The following ARHGAP15 variants were observed in gnomAD, a reference collection of about 807,000 sequenced individuals.
The protein encoded by ARHGAP15 is Rho GTPase activating protein 15, also known as rho GTPase-activating protein 15.
Under a neutral mutation model 63.7 loss-of-function variants are expected in ARHGAP15, and 51 were observed. That is an observed-to-expected ratio of 0.80 (90% CI 0.64 to 1.01). The LOEUF is 1.01. Ranked by LOEUF, ARHGAP15 falls within the 50% of genes least tolerant of loss-of-function variation. The probability of loss-of-function intolerance (pLI) is 0.00; values close to 1 mark genes in which losing one functional copy is unlikely to be tolerated. For missense variants in ARHGAP15, 560 were observed against 564.6 expected, an observed-to-expected ratio of 0.99 and a Z score of 0.08; for synonymous variants, 191 against 193.8, an observed-to-expected ratio of 0.99 and a Z score of 0.12.
rs182087675 is a variant in ARHGAP15 at position 143,204,173 on chromosome 2, G to A, written c.234+1971G>A. Among the ~76,000 whole-genome samples, 122 of 152,192 alleles carry A rather than the reference G, an allele frequency of 8.0e-4. 1 individual carries two copies. The highest frequency in any genetic ancestry group is 2.8e-3 in the African/African-American group (117 of 41,540). ...CACCATTACTATCATCTGTCACCCA[G>A]TTTATTGAAATAGTCTCCCTGTTTA... On this transcript the variant is annotated intron_variant, in intron 3 of 13. Transcript: ENST00000295095.
intron 11 of ARHGAP15, among the ~76,000 whole-genome samples, chr2:143,613,251 C>T (rs966618039): frequency 2.0e-5 from 3 of 152,130 alleles, no homozygotes; most frequent in African/African-American, 7.2e-5. Flanking sequence ...ATTAATAATA[C>T]ATTGAAAGTA....
chr2:143,605,858 C>CAAAAAAAAAAAAAAAAAA (rs373847590), intron 11 of ARHGAP15, among the ~76,000 whole-genome samples: 17 of 85,294 alleles, frequency 2.0e-4, no homozygotes, highest in East Asian at 7.0e-4. Flanking sequence ...TACTAAAATA[C>CAAAAAAAAAAAAAAAAAA]AAAAAAAAAA....
intron 13 of ARHGAP15, among the ~76,000 whole-genome samples, chr2:143,706,157 G>A (rs1403488935): frequency 6.6e-6 from 1 of 152,142 alleles, no homozygotes; most frequent in Non-Finnish European, 1.5e-5. Flanking sequence ...ATGCACGAGT[G>A]TGTGCACACA....
chr2:143,695,981 ATAT>A (rs2105404929), intron 12 of ARHGAP15, among the ~76,000 whole-genome samples: 1 of 152,334 alleles, frequency 6.6e-6, no homozygotes, highest in African/African-American at 2.4e-5. Flanking sequence ...GAAAGAAAAG[ATAT>A]TATTACTTTC....
chr2:143,261,712 C>T (rs1161353424), intron 6 of ARHGAP15, among the ~76,000 whole-genome samples: 1 of 152,064 alleles, frequency 6.6e-6, no homozygotes, highest in Non-Finnish European at 1.5e-5. Context: ...ATCATATTTG[C>T]CTTCTGGCTT....
intron 2 of ARHGAP15, among the ~76,000 whole-genome samples, chr2:143,163,498 C>T (rs1035812476): frequency 6.6e-6 from 1 of 151,046 alleles, no homozygotes; most frequent in Non-Finnish European, 1.5e-5. Flanking sequence ...TTTTATGTTC[C>T]AGGAGAAAAT....
chr2:143,223,576 A>G (rs990437296), intron 4 of ARHGAP15, among the ~76,000 whole-genome samples: 2 of 152,222 alleles, frequency 1.3e-5, no homozygotes, highest in Admixed American at 6.5e-5. Context: ...CCTGCTGACC[A>G]TCATGATAGG....
At chr2:143,255,028 T>G (rs1437229169) in intron 6 of ARHGAP15, among the ~76,000 whole-genome samples, 2 of 152,134 alleles carry the variant, frequency 1.3e-5, no homozygotes, top group East Asian at 3.9e-4. Context: ...TAAATCATTT[T>G]TACTCTAAAA....
intron 9 of ARHGAP15, among the ~76,000 whole-genome samples, chr2:143,508,275 A>C (rs1489316025): frequency 6.6e-6 from 1 of 152,186 alleles, no homozygotes; most frequent in African/African-American, 2.4e-5. Context: ...TTGTATGTAC[A>C]TGGCTCAGTC....
chr2:143,513,937 T>G (rs1392694453), intron 9 of ARHGAP15, among the ~76,000 whole-genome samples: 1 of 152,202 alleles, frequency 6.6e-6, no homozygotes, highest in Non-Finnish European at 1.5e-5. Context: ...CTCTGGGCCT[T>G]AGTTCCCTCT....
chr2:143,642,178 A>C (rs906342405), intron 12 of ARHGAP15, among the ~76,000 whole-genome samples: 5 of 152,156 alleles, frequency 3.3e-5, no homozygotes, highest in African/African-American at 1.2e-4. Flanking sequence ...AAATATTAGC[A>C]GGGAATGATT....
chr2:143,460,938 T>G (rs1016623376), intron 8 of ARHGAP15, among the ~76,000 whole-genome samples: 6 of 152,100 alleles, frequency 3.9e-5, no homozygotes, highest in African/African-American at 1.4e-4. Flanking sequence ...CCTTCTGCCT[T>G]CCTTTTATTT....
intron 1 of ARHGAP15, among the ~76,000 whole-genome samples, chr2:143,133,023 A>T (rs1214839034): frequency 1.3e-5 from 2 of 152,236 alleles, no homozygotes; most frequent in African/African-American, 4.8e-5. Flanking sequence ...AAGAAGATAC[A>T]GAGAATGCTC....
intron 1 of ARHGAP15, among the ~76,000 whole-genome samples, chr2:143,151,967 T>G (rs1558777824): frequency 6.6e-6 from 1 of 151,902 alleles, no homozygotes; most frequent in Non-Finnish European, 1.5e-5. Context: ...CTGTCCTCCT[T>G]CTGTCCGGCA....
chr2:143,642,759 T>G (rs1680668612), intron 12 of ARHGAP15, among the ~76,000 whole-genome samples: 1 of 152,114 alleles, frequency 6.6e-6, no homozygotes, highest in Non-Finnish European at 1.5e-5. Context: ...GAGGCCTTCA[T>G]GAAGGAGGCA....
intron 13 of ARHGAP15, among the ~76,000 whole-genome samples, chr2:143,720,199 C>G (rs956915749): frequency 6.6e-6 from 1 of 152,074 alleles, no homozygotes; most frequent in Non-Finnish European, 1.5e-5. Flanking sequence ...ATGCAGCTAC[C>G]TGAAAAACAC....
At chr2:143,311,976 AC>A (rs1477204633) in intron 6 of ARHGAP15, among the ~76,000 whole-genome samples, 1 of 151,760 alleles carries the variant, frequency 6.6e-6, no homozygotes, top group African/African-American at 2.4e-5. Context: ...TTCCCTCTTC[AC>A]CCTCTACTCC....
intron 6 of ARHGAP15, among the ~76,000 whole-genome samples, chr2:143,360,616 G>A (rs1006854034): frequency 1.3e-5 from 2 of 152,024 alleles, no homozygotes; most frequent in African/African-American, 4.8e-5. Context: ...TTCTGCCTCT[G>A]ACCAACTAAG....
chr2:143,221,477 T>C (rs1692996090), intron 4 of ARHGAP15, among the ~76,000 whole-genome samples: 1 of 152,210 alleles, frequency 6.6e-6, no homozygotes. Context: ...TAATTTTTAA[T>C]TGTGAACACT....
Sources: allele counts gnomAD v4.1 joint callset (sites outside exome capture counted in the v4.1 genomes callset), GRCh38; gene constraint gnomAD v4.1.1; transcripts MANE v1.5; gene names NCBI Gene and HGNC (gene_info 2026-07-23, HGNC 2026-07-21).